The following EDARADD variants were observed in gnomAD, a reference collection of about 807,000 sequenced individuals.
EDARADD encodes EDAR associated via death domain.
In EDARADD, 20 loss-of-function variants were observed where a neutral mutation model predicts 25.6. The ratio of observed to expected loss-of-function variants is 0.78; its 90% CI spans 0.55 to 1.14. The LOEUF (loss-of-function observed/expected upper bound fraction) is 1.14. Among genes scored for constraint, EDARADD ranks in the 50% most tolerant of loss-of-function variants. The pLI, the probability that EDARADD is intolerant of heterozygous loss-of-function variation, is 0.00. For missense variants in EDARADD, 225 were observed against 270.1 expected (o/e 0.83, Z 1.17); for synonymous variants, 86 against 94.4 (o/e 0.91, Z 0.52).
At chr1:236,451,185 C>T (rs1348253927) in intron 4 of EDARADD, among the ~76,000 whole-genome samples, 1 of 152,148 alleles carries the variant, frequency 6.6e-6, no homozygotes, top group African/African-American at 2.4e-5. Flanking sequence ...TTGATTCTAT[C>T]GCCATGGCCT....
chr1:236,380,463 T>C (rs938897638), intron 3 of EDARADD, among the ~76,000 whole-genome samples: 33 of 152,302 alleles, frequency 2.2e-4, no homozygotes, highest in Admixed American at 1.0e-3. Flanking sequence ...GTGTGAAACA[T>C]GGTTTGTTGG....
At chr1:236,470,444 T>C (rs555331586) in intron 5 of EDARADD, among the ~76,000 whole-genome samples, 2 of 152,330 alleles carry the variant, frequency 1.3e-5, no homozygotes, top group Admixed American at 1.3e-4. Context: ...AAAATAAAAA[T>C]AAATACAGAA....
chr1:236,393,962 G>T (rs1292898887), upstream of EDARADD, among the ~76,000 whole-genome samples: 5 of 151,222 alleles, frequency 3.3e-5, no homozygotes, highest in Non-Finnish European at 5.9e-5. Context: ...AAATGAAAAT[G>T]AAAGGGAGTA....
At chr1:236,368,440 CTTTTT>C (rs59201705) in intron 3 of EDARADD, among the ~76,000 whole-genome samples, 11 of 124,172 alleles carry the variant, frequency 8.9e-5, no homozygotes, top group African/African-American at 1.9e-4. Flanking sequence ...CCAGTCTTTT[CTTTTT>C]TTTTTTTTTT....
rs1312695219 is a variant in EDARADD, at chr1:236,428,775, C to G, written c.219+1325C>G. Reference sequence around the variant, plus strand: ...CTGCAATCTCGGCACTTTGGGAGGCCAAGGCAGGCGGCTGGGAGGTGGAGG... The same window carrying G: ...CTGCAATCTCGGCACTTTGGGAGGCGAAGGCAGGCGGCTGGGAGGTGGAGG... On this transcript the variant is annotated intron_variant, in intron 4 of 5. Transcript: ENST00000334232. Among the ~76,000 whole-genome samples, 11 of 151,134 alleles carry G rather than the reference C, an allele frequency of 7.3e-5. No homozygotes were observed. The South Asian group carries it at 2.3e-3, about 32-fold the overall frequency.
chr1:236,432,201 G>A (rs1658114617), intron 4 of EDARADD, among the ~76,000 whole-genome samples: 1 of 152,078 alleles, frequency 6.6e-6, no homozygotes, highest in Admixed American at 6.6e-5. Context: ...AGCACTTTGG[G>A]AGGCCAAGGT....
chr1:236,424,510 C>G (rs1178840435), intron 3 of EDARADD, among the ~76,000 whole-genome samples: 1 of 151,980 alleles, frequency 6.6e-6, no homozygotes, highest in East Asian at 1.9e-4. Flanking sequence ...CTTTCATTCC[C>G]TTTTTATGGT....
chr1:236,378,515 T>C (rs4659450), intron 3 of EDARADD, among the ~76,000 whole-genome samples: 121,762 of 152,104 alleles, frequency 0.8, 49,214 homozygotes, highest in East Asian at 0.93. Context: ...ATTCTGGGGG[T>C]AGGAATTTGC....
At chr1:236,370,627 G>A (rs1402346600) in intron 3 of EDARADD, among the ~76,000 whole-genome samples, 2 of 152,160 alleles carry the variant, frequency 1.3e-5, no homozygotes, top group Admixed American at 6.6e-5. Flanking sequence ...ACTCAAAGCT[G>A]TCTTCTTGCA....
chr1:236,473,823 T>A (rs1405148337), intron 5 of EDARADD, among the ~76,000 whole-genome samples: 2 of 151,768 alleles, frequency 1.3e-5, no homozygotes, highest in African/African-American at 4.8e-5. Context: ...CATCTTGGAG[T>A]GCAGTGGCAC....
chr1:236,452,501 C>CTCT lies in EDARADD; in HGVS notation c.220-15730_220-15729insTCT, dbSNP rs563834450. ...GTTTAAAAGTGTGTGGCCGATCCCC[C>CTCT]CTCTCTCTCTCTCTTTCTTACTGCC... is the stretch of plus-strand genomic sequence containing the variant. On this transcript the variant is annotated intron_variant, in intron 4 of 5. Coordinates refer to ENST00000334232, the MANE Select transcript of EDARADD (RefSeq NM_145861.4). Among the ~76,000 whole-genome samples the CTCT allele has an allele frequency of 3.5e-5, 5 of 143,250 alleles. No homozygotes were observed. In the South Asian group the frequency reaches 6.6e-4, roughly 19 times the overall value. 94.0% of individuals were successfully genotyped at this position (143,250 alleles called of 152,430 possible).
intron 5 of EDARADD, among the ~76,000 whole-genome samples, chr1:236,478,027 C>A (rs1022298837): frequency 6.6e-6 from 1 of 151,922 alleles, no homozygotes; most frequent in African/African-American, 2.4e-5. Flanking sequence ...TGCTTGAACC[C>A]GAGAGGCGGA....
intron 3 of EDARADD, among the ~76,000 whole-genome samples, chr1:236,376,199 T>C (rs1234235043): frequency 2.0e-5 from 3 of 152,150 alleles, no homozygotes. Context: ...CCTCCCAAAG[T>C]GCTGGGATTA....
intron 4 of EDARADD, among the ~76,000 whole-genome samples, chr1:236,465,367 CCTT>C (rs1379819987): frequency 3.3e-5 from 5 of 152,322 alleles, no homozygotes; most frequent in African/African-American, 9.6e-5. Context: ...TGTCTCATCT[CCTT>C]CTTTTCGTTT....
chr1:236,379,577 G>A lies in EDARADD; in HGVS notation c.-6+28738G>A, dbSNP rs558736491. Reference sequence around the variant, plus strand: ...GCAGATCACCTCAGGTCAGGAGTTCGACACCAGCCTGGCCAACACGGCGAA... The same window carrying A: ...GCAGATCACCTCAGGTCAGGAGTTCAACACCAGCCTGGCCAACACGGCGAA... On this transcript the variant is annotated intron_variant, in intron 3 of 7. Transcript: ENST00000439430. Among the ~76,000 whole-genome samples, 40 of 151,994 alleles carry A rather than the reference G, an allele frequency of 2.6e-4. 1 individual carries two copies. The highest frequency in any genetic ancestry group is 1.2e-3 in the Admixed American group (18 of 15,258).
intron 1 of EDARADD, among the ~76,000 whole-genome samples, chr1:236,399,413 C>T (rs1295251337): frequency 6.6e-6 from 1 of 152,176 alleles, no homozygotes; most frequent in Non-Finnish European, 1.5e-5. Context: ...CCTGGAACCA[C>T]TGACCTCAAG....
intron 4 of EDARADD, among the ~76,000 whole-genome samples, chr1:236,466,300 C>T (rs1365297327): frequency 6.6e-6 from 1 of 152,126 alleles, no homozygotes; most frequent in Admixed American, 6.6e-5. Context: ...AGTCATGGGG[C>T]TTCTGGGGTT....
At position 236,447,212 on chromosome 1, in the gene EDARADD, C is replaced by CT. The variant is rs1176725852; in HGVS notation, c.219+19765dup. ...TCTTTCTTTCTTTCTTTCTTTCTTT[C>CT]TTTCTTTCTTTCCTTTCTTTCCTTT... On this transcript the variant is annotated intron_variant, in intron 4 of 5. Transcript: ENST00000334232. 5.6e-3 allele frequency among the ~76,000 whole-genome samples: 165 copies of CT among 29,468 alleles called. 2 individuals carry two copies. Among genetic ancestry groups the CT allele is most frequent in the African/African-American group, 0.013 (152 of 11,338 alleles). The allele number at this position is 29,468 out of a possible 152,430, so 19.3% of individuals were successfully genotyped here.
At chr1:236,470,339 G>T (rs1016345931) in intron 5 of EDARADD, among the ~76,000 whole-genome samples, 3 of 152,132 alleles carry the variant, frequency 2.0e-5, no homozygotes, top group African/African-American at 7.2e-5. Flanking sequence ...TTTCAGATTT[G>T]CTATGACAAG....
Sources: allele counts gnomAD v4.1 joint callset (sites outside exome capture counted in the v4.1 genomes callset), GRCh38; gene constraint gnomAD v4.1.1; transcripts MANE v1.5; gene names NCBI Gene and HGNC (gene_info 2026-07-23, HGNC 2026-07-21).